NPHP3: variants seen among roughly 807,000 people sequenced by gnomAD.
NPHP3 encodes the protein nephrocystin 3, also known as nephrocystin-3.
A neutral mutation model predicts 171.9 loss-of-function variants in NPHP3; 123 were observed. The observed-to-expected ratio is 0.72, with a 90% CI of 0.62 to 0.83. NPHP3 has a LOEUF of 0.83. Ranked by LOEUF, NPHP3 falls within the 40% of genes least tolerant of loss-of-function variation. The probability of loss-of-function intolerance (pLI) is 0.00; values close to 1 mark genes in which losing one functional copy is unlikely to be tolerated. For missense variants in NPHP3, 1,506 were observed against 1,591.9 expected, an observed-to-expected ratio of 0.95 and a Z score of 0.92; for synonymous variants, 558 against 579.2, an observed-to-expected ratio of 0.96 and a Z score of 0.52.
Position 132,684,911 on chromosome 3 carries a change from G to A in NPHP3, c.3330-117C>T, listed in dbSNP as rs202205704. 2.7e-5 allele frequency: 34 copies of A among 1,267,332 alleles called. No homozygotes were observed. The South Asian group carries it at 4.1e-4, about 15-fold the overall frequency. 78.5% of individuals were successfully genotyped at this position (1,267,332 alleles called of 1,614,324 possible). A position where few individuals can be genotyped will look rare whatever the true frequency, so the allele number is the denominator to read the frequency against. On this transcript the variant is annotated intron_variant, in intron 23 of 26. Coordinates refer to ENST00000337331, the MANE Select transcript of NPHP3 (RefSeq NM_153240.5). The stretch of plus-strand genomic sequence containing the variant: ...TATTCTTAGATTCTAGTTAAAATAA[G>A]AGATTCAGCTCAAAATCTTACTTTC...
At position 132,681,880 on chromosome 3, in the gene NPHP3, T is replaced by C. The variant is rs1189781639; in HGVS notation, c.*30A>G. The C allele has an allele frequency of 2.5e-6, 4 of 1,577,804 alleles. No individual in the cohort carries two copies. The highest frequency in any genetic ancestry group is 1.1e-5 in the South Asian group (1 of 90,388). On this transcript the variant is annotated 3_prime_UTR_variant, in exon 27 of 27. Coordinates refer to ENST00000337331, the MANE Select transcript of NPHP3 (RefSeq NM_153240.5). ...AATGTTTAATTATTTTGTCTTAAGG[T>C]ACATTTGCAAAGAATTCTAACTGCT...
rs750318426 is a variant in NPHP3 at position 132,700,065 on chromosome 3, C to A, written c.1744-4G>T. The A allele has an allele frequency of 1.9e-6, 3 of 1,614,020 alleles. No homozygotes were observed. The highest frequency in any genetic ancestry group is 1.7e-5 in the Admixed American group (1 of 60,016). On this transcript the variant is annotated splice_region_variant and splice_polypyrimidine_tract_variant and intron_variant, in intron 11 of 26. Coordinates refer to ENST00000337331, the MANE Select transcript of NPHP3 (RefSeq NM_153240.5). ...CTGACCAAGAGTGCTGCATCAACTA[C>A]AAGATAAGAACACACACAAACTGAA...
At chr3:132,702,027 A>G (rs1018432625) in intron 9 of NPHP3, among the ~76,000 whole-genome samples, 1 of 146,040 alleles carries the variant, frequency 6.8e-6, no homozygotes, top group Non-Finnish European at 1.5e-5. Flanking sequence ...CTCCGTCTCA[A>G]AACAAACAAA....
chr3:132,711,330 C>T (rs1332385921), intron 6 of NPHP3, among the ~76,000 whole-genome samples: 1 of 151,790 alleles, frequency 6.6e-6, no homozygotes. Context: ...AAAGTAGAGA[C>T]TAAAATTATT....
Position 132,719,738 on chromosome 3 carries a change from T to G in NPHP3, c.486A>C (p.Glu162Asp). 1.3e-6 allele frequency: 2 copies of G among 1,576,682 alleles called. No individual in the cohort carries two copies. The highest frequency in any genetic ancestry group is 1.7e-6 in the Non-Finnish European group (2 of 1,158,088). The stretch of plus-strand genomic sequence containing the variant: ...GCCTTTTAACTTTATCTCTGTCATG[T>G]TCAAATGTTGCTGCTCTCTCCATTG... ...YQAMERAATFEHDRDKVKRQF... is the reference protein window; with the variant it reads ...YQAMERAATFDHDRDKVKRQF... Residue 162 changes from glutamate to aspartate, a missense_variant, in exon 2 of 27, where the codon GAA becomes GAC. By Grantham distance (45) the Glu-to-Asp change is conservative. Coordinates refer to ENST00000337331, the MANE Select transcript of NPHP3 (RefSeq NM_153240.5).
Position 132,692,711 on chromosome 3 carries a change from T to C in NPHP3, c.2418A>G (p.Leu806=), listed in dbSNP as rs1025642403. Residue 806 remains leucine, a synonymous_variant, in exon 17 of 27, where the codon TTA becomes TTG. Coordinates refer to ENST00000337331, the MANE Select transcript of NPHP3 (RefSeq NM_153240.5). The part of the protein sequence containing the change: ...WTFLTSLIHS[L]YKMCLLTYGC... ...CATAAGTCAACAAACACATTTTGTA[T>C]AAACTGTGAATAAGGGAGGTCAAGA... The C allele has an allele frequency of 5.0e-6, 8 of 1,613,794 alleles. No individual in the cohort carries two copies. The African/African-American group carries it at 1.1e-4, about 22-fold the overall frequency.
Position 132,722,292 on chromosome 3 carries a change from C to T in NPHP3, c.64G>A (p.Ala22Thr). ...ATCTCGCAGGCCTCGCCGCCGCCCG[C>T]CCCGTACGTGTCCTCGATCACTTCC... ...GGEVIEDTYG[A>T]GGGEACEIPV... Residue 22 changes from alanine (A) to threonine (T), a missense_variant, in exon 1 of 27, where the codon GCG (alanine) becomes ACG (threonine). By Grantham distance (58) the Ala-to-Thr change is moderately conservative. This residue lies in a region of NPHP3 where 930 missense variants were observed against 924.9 expected (regional missense o/e 1.01). Transcript: ENST00000337331. 6.3e-7 allele frequency: 1 copy of T among 1,580,208 alleles called. No individual in the cohort carries two copies. Among genetic ancestry groups the T allele is most frequent in the Non-Finnish European group, 8.5e-7 (1 of 1,172,208 alleles).
At chr3:132,702,521 G>C (rs566279516) in intron 9 of NPHP3, among the ~76,000 whole-genome samples, 1 of 152,292 alleles carries the variant, frequency 6.6e-6, no homozygotes, top group African/African-American at 2.4e-5. Flanking sequence ...ACTTATTAAG[G>C]AGTTTCAAAA....
chr3:132,721,193 C>T (rs1049454907), intron 1 of NPHP3, among the ~76,000 whole-genome samples: 3 of 152,198 alleles, frequency 2.0e-5, no homozygotes, highest in East Asian at 1.9e-4. Context: ...GTTGGGATTA[C>T]AGGCGTGAGC....
intron 3 of NPHP3, chr3:132,718,190 A>G (rs62292475): frequency 0.11 from 43,982 of 395,646 alleles, 2,789 homozygotes; most frequent in Middle Eastern, 0.16. Context: ...GTGAGAATAT[A>G]CTTACAGTTC....
intron 10 of NPHP3, 78 bp downstream of exon 10, chr3:132,701,352 A>G (rs1054921683): frequency 1.0e-6 from 1 of 978,690 alleles, no homozygotes; most frequent in Non-Finnish European, 1.6e-6. Context: ...GCAGGAAGGC[A>G]GGCATGCAAT....
In NPHP3 at chr3:132,681,626, A is replaced by G. The variant is rs1405993986; in HGVS notation, c.*284T>C. On this transcript the variant is annotated 3_prime_UTR_variant, in exon 27 of 27. Coordinates refer to ENST00000337331, the MANE Select transcript of NPHP3 (RefSeq NM_153240.5). ...ACTACTCTGCCAGCTCTTGTTGAAC[A>G]AAGACCAATCCGCTCTTCATGATTT... is the stretch of plus-strand genomic sequence containing the variant. 4 of 381,748 alleles carry G rather than the reference A, an allele frequency of 1.0e-5. No individual in the cohort carries two copies. Among genetic ancestry groups the G allele is most frequent in the African/African-American group, 8.3e-5 (4 of 48,094 alleles). 23.6% of individuals were successfully genotyped at this position (381,748 alleles called of 1,614,324 possible). A position where few individuals can be genotyped will look rare whatever the true frequency, so the allele number is the denominator to read the frequency against.
chr3:132,687,746 G>C (rs1001721586), intron 21 of NPHP3, among the ~76,000 whole-genome samples: 1 of 152,170 alleles, frequency 6.6e-6, no homozygotes, highest in Non-Finnish European at 1.5e-5. Flanking sequence ...ACTTATGATA[G>C]AGCAAAAGAA....
In NPHP3 at chr3:132,699,978, T is replaced by C; in HGVS notation, c.1827A>G (p.Lys609=). 6.2e-7 allele frequency: 1 copy of C among 1,612,874 alleles called. No homozygotes were observed. The highest frequency in any genetic ancestry group is 1.1e-5 in the South Asian group (1 of 91,034). ...TGCTGCCTTGATGACGAGCAGAGAG[T>C]TTTTCCAGCCAACGTGGAAATTCTT... ...LLEEFPRWLE[K]LSARHQGSII... is the part of the protein sequence containing the mutation. Residue 609 remains lysine (K), a synonymous_variant, in exon 12 of 27, where the codon AAA becomes AAG. Transcript: ENST00000337331.
intron 26 of NPHP3, 159 bp downstream of exon 26, chr3:132,682,544 T>C (rs1428796090): frequency 3.2e-6 from 2 of 629,180 alleles, no homozygotes; most frequent in Admixed American, 2.8e-5. Context: ...TTCATTTCAT[T>C]TCTGGATACT....
intron 14 of NPHP3, 67 bp downstream of exon 14, chr3:132,697,193 C>A: frequency 9.1e-7 from 1 of 1,097,352 alleles, no homozygotes; most frequent in South Asian, 1.2e-5. Flanking sequence ...AATTTTAAGT[C>A]TCACATAAGA....
At chr3:132,691,081 T>C (rs1172770738) in intron 18 of NPHP3, 111 bp downstream of exon 18, 2 of 853,030 alleles carry the variant, frequency 2.3e-6, no homozygotes, top group African/African-American at 1.7e-5. Context: ...TAATCTTTTT[T>C]GTAATAATTA....
intron 6 of NPHP3, among the ~76,000 whole-genome samples, chr3:132,712,874 G>A (rs1196377057): frequency 6.6e-6 from 1 of 152,106 alleles, no homozygotes; most frequent in East Asian, 1.9e-4. Flanking sequence ...TGGCCCTTGG[G>A]CTATATTTGC....
chr3:132,705,852 T>C (rs762487186), intron 7 of NPHP3, 38 bp from the exon 8 acceptor site: 7 of 1,112,296 alleles, frequency 6.3e-6, no homozygotes, highest in Non-Finnish European at 9.6e-6. Context: ...AGAAAAACCA[T>C]AATATCAGAA....
Sources: allele counts gnomAD v4.1 joint callset (sites outside exome capture counted in the v4.1 genomes callset), GRCh38; gene constraint gnomAD v4.1.1; regional missense constraint gnomAD v4.1.1; transcripts MANE v1.5; gene names NCBI Gene and HGNC (gene_info 2026-07-23, HGNC 2026-07-21).